The following UNC13B variants were observed in gnomAD, a reference collection of about 807,000 sequenced individuals.
UNC13B encodes the protein unc-13 homolog B.
Under a neutral mutation model 211.0 loss-of-function variants are expected in UNC13B, and 144 were observed. The observed-to-expected ratio is 0.68, with a 90% CI of 0.60 to 0.78. The LOEUF is 0.78. Ranked by LOEUF, UNC13B falls within the 30% of genes least tolerant of loss-of-function variation. The pLI is 0.00. For synonymous variants in UNC13B, 709 were observed against 725.8 expected, an observed-to-expected ratio of 0.98 and a Z score of 0.37; for missense variants, 1,777 against 2,002.0, an observed-to-expected ratio of 0.89 and a Z score of 2.14.
chr9:35,249,048 G>T (rs533193651), intron 6 of UNC13B, among the ~76,000 whole-genome samples: 5 of 152,276 alleles, frequency 3.3e-5, no homozygotes, highest in African/African-American at 9.6e-5. Context: ...CCTGTATTGG[G>T]TGCATGTATA....
chr9:35,178,117 G>C (rs191758093), intron 1 of UNC13B, among the ~76,000 whole-genome samples: 3 of 152,204 alleles, frequency 2.0e-5, no homozygotes, highest in Non-Finnish European at 1.5e-5. Flanking sequence ...CGGTGACAGG[G>C]TAAACATATA....
intron 1 of UNC13B, among the ~76,000 whole-genome samples, chr9:35,224,777 G>A (rs941364772): frequency 4.6e-5 from 7 of 152,150 alleles, no homozygotes; most frequent in Middle Eastern, 3.4e-3. Flanking sequence ...TGCAAAAATC[G>A]TCAACAAAAT....
At chr9:35,248,334 G>GT (rs1324355911) in intron 6 of UNC13B, among the ~76,000 whole-genome samples, 1 of 151,996 alleles carries the variant, frequency 6.6e-6, no homozygotes, top group Non-Finnish European at 1.5e-5. Context: ...TTTTTGAAGG[G>GT]TTTTTTGTGT....
chr9:35,320,337 G>A (rs1437540777), intron 11 of UNC13B, among the ~76,000 whole-genome samples: 2 of 152,164 alleles, frequency 1.3e-5, no homozygotes, highest in Non-Finnish European at 2.9e-5. Context: ...AGATAGAGAA[G>A]GATATTTGTC....
At chr9:35,326,280 G>A (rs1283400613) in intron 11 of UNC13B, among the ~76,000 whole-genome samples, 1 of 152,040 alleles carries the variant, frequency 6.6e-6, no homozygotes, top group Non-Finnish European at 1.5e-5. Context: ...TTGGAGTTTA[G>A]TAGTCTCCTC....
intron 11 of UNC13B, among the ~76,000 whole-genome samples, chr9:35,334,008 C>T (rs1056585331): frequency 2.0e-5 from 3 of 151,642 alleles, no homozygotes; most frequent in African/African-American, 7.3e-5. Flanking sequence ...TCTTGTCACC[C>T]AGGCTGGAGT....
intron 6 of UNC13B, among the ~76,000 whole-genome samples, chr9:35,251,534 C>A (rs1587469645): frequency 1.3e-5 from 2 of 152,218 alleles, no homozygotes; most frequent in East Asian, 1.9e-4. Context: ...CTACAGTGAG[C>A]CGAGATCACA....
At chr9:35,200,597 A>T (rs148360674) in intron 1 of UNC13B, among the ~76,000 whole-genome samples, 77,834 of 151,888 alleles carry the variant, frequency 0.51, 20,584 homozygotes, top group Non-Finnish European at 0.57. Context: ...CTTTGAAGCA[A>T]TTGTGAATGG....
At chr9:35,399,805 G>A (rs1442257145) in intron 36 of UNC13B, 76 bp downstream of exon 36, 17 of 1,445,676 alleles carry the variant, frequency 1.2e-5, no homozygotes, top group African/African-American at 1.4e-5. Context: ...TCCCAGACCA[G>A]GTGTCCCTCC....
chr9:35,248,661 C>T (rs763544167), intron 6 of UNC13B, among the ~76,000 whole-genome samples: 7 of 152,166 alleles, frequency 4.6e-5, no homozygotes, highest in Middle Eastern at 3.4e-3. Context: ...TGTAGTTGAG[C>T]GGTTTTGAAT....
At chr9:35,370,256 T>C in intron 12 of UNC13B, 62 bp from the exon 13 acceptor site, 1 of 1,478,966 alleles carries the variant, frequency 6.8e-7, no homozygotes, top group Non-Finnish European at 9.4e-7. Flanking sequence ...AATGGAACAC[T>C]GAACCCACCA....
intron 1 of UNC13B, among the ~76,000 whole-genome samples, chr9:35,164,970 A>G (rs1172815079): frequency 6.6e-6 from 1 of 152,228 alleles, no homozygotes; most frequent in African/African-American, 2.4e-5. Context: ...TGCACTGGTC[A>G]GATCAGATCT....
intron 33 of UNC13B, 31 bp from the exon 34 acceptor site, chr9:35,399,130 C>T: frequency 6.2e-7 from 1 of 1,614,148 alleles, no homozygotes. Context: ...CAAACTCTCA[C>T]CCTGGTCTCA....
intron 26 of UNC13B, among the ~76,000 whole-genome samples, chr9:35,394,891 T>C (rs1367344472): frequency 6.6e-6 from 1 of 152,094 alleles, no homozygotes; most frequent in African/African-American, 2.4e-5. Flanking sequence ...AATACAGAAA[T>C]TAGGGATAGG....
chr9:35,321,363 G>T (rs1247135238), intron 11 of UNC13B, among the ~76,000 whole-genome samples: 1 of 152,106 alleles, frequency 6.6e-6, no homozygotes, highest in Non-Finnish European at 1.5e-5. Flanking sequence ...TGGGACTACA[G>T]GCGTGTGCCA....
intron 11 of UNC13B, among the ~76,000 whole-genome samples, chr9:35,336,739 C>G (rs1201702688): frequency 6.6e-6 from 1 of 152,186 alleles, no homozygotes; most frequent in Non-Finnish European, 1.5e-5. Context: ...TCCCCAAAGG[C>G]TCACCTCCTA....
At chr9:35,249,686 A>G (rs1826340528) in intron 6 of UNC13B, among the ~76,000 whole-genome samples, 1 of 151,974 alleles carries the variant, frequency 6.6e-6, no homozygotes, top group African/African-American at 2.4e-5. Flanking sequence ...ATTGGCCCCC[A>G]CTCTCTTCTG....
intron 5 of UNC13B, among the ~76,000 whole-genome samples, chr9:35,239,283 AG>A (rs1473367434): frequency 1.3e-5 from 2 of 152,034 alleles, no homozygotes; most frequent in African/African-American, 4.8e-5. Flanking sequence ...AGAGTACAAA[AG>A]AGGGAAATTT....
At chr9:35,341,510 A>G (rs918024447) in intron 11 of UNC13B, among the ~76,000 whole-genome samples, 17 of 152,170 alleles carry the variant, frequency 1.1e-4, no homozygotes, top group African/African-American at 4.1e-4. Context: ...CAGCAGTTCC[A>G]CGGCTGGCAT....
Sources: gnomAD v4.1 joint callset for allele counts (sites outside exome capture counted in the v4.1 genomes callset) on GRCh38, gnomAD v4.1.1 for gene constraint, MANE v1.5 for transcripts, NCBI Gene and HGNC (gene_info 2026-07-23, HGNC 2026-07-21) for gene names.